Variants in SLC4A1 observed in about 807,000 individuals in gnomAD.
SLC4A1 encodes the protein band 3 anion transport protein.
A neutral mutation model predicts 93.1 loss-of-function variants in SLC4A1; 29 were observed. The observed-to-expected ratio is 0.31, with a 90% CI of 0.23 to 0.42. The LOEUF (loss-of-function observed/expected upper bound fraction) is 0.42, where lower values mean the gene tolerates loss of function less well. Ranked by LOEUF, SLC4A1 falls within the 20% of genes least tolerant of loss-of-function variation. The probability of loss-of-function intolerance (pLI) is 1.00; values close to 1 mark genes in which losing one functional copy is unlikely to be tolerated. For synonymous variants in SLC4A1, 469 were observed against 497.2 expected (o/e 0.94, Z 0.76); for missense variants, 965 against 1,190.1 (o/e 0.81, Z 2.78).
chr17:44,262,742 G>T lies in SLC4A1; in HGVS notation c.16-16C>A, dbSNP rs768569202. The stretch of plus-strand genomic sequence containing the variant: ...CATAATCATCCTGTGGGAAGTGGCC[G>T]CTGAGGCTGGGCTGTGAGGGGCTCT... On this transcript the variant is annotated splice_polypyrimidine_tract_variant and intron_variant, in intron 2 of 19. Transcript: ENST00000262418. 8 of 1,611,880 alleles carry T rather than the reference G, an allele frequency of 5.0e-6. No homozygotes were observed. In the South Asian group the frequency reaches 6.6e-5, roughly 13 times the overall value.
In SLC4A1 at chr17:44,251,266, C is replaced by A. The variant is rs567528042; in HGVS notation, c.2548G>T (p.Val850Leu). 6.2e-7 allele frequency: 1 copy of A among 1,614,222 alleles called. No homozygotes were observed. Among genetic ancestry groups the A allele is most frequent in the African/African-American group, 1.3e-5 (1 of 75,056 alleles). ...GCCAGGGAGGCCGGCGTGGACTTCA[C>A]CACCCACAGCACTGCCAGGCAGATG... ...QIICLAVLWV[V>L]KSTPASLALP... Residue 850 changes from valine (V) to leucine (L), a missense_variant, in exon 19 of 20, where the codon GTG (valine) becomes TTG (leucine). By Grantham distance (32) the Val-to-Leu change is conservative. This residue lies in a region of SLC4A1 where 770 missense variants were observed against 1,006.6 expected (regional missense o/e 0.76). Transcript: ENST00000262418.
chr17:44,258,739 AGGAACT>A lies in SLC4A1; in HGVS notation c.877-122_877-117del. 9.8e-7 allele frequency: 1 copy of A among 1,017,556 alleles called. No homozygotes were observed. The highest frequency in any genetic ancestry group is 1.5e-6 in the Non-Finnish European group (1 of 666,588). The allele number at this position is 1,017,556 out of a possible 1,614,324, so 63.0% of individuals were successfully genotyped here. The stretch of plus-strand genomic sequence containing the variant: ...CCCTCAGGCAGCAGCTCCCATTGCC[AGGAACT>A]GCTTTTCCTGCCCGCTCCCACCCCT... On this transcript the variant is annotated intron_variant, in intron 9 of 19. Transcript: ENST00000262418. This position sits in a 1 kb window ranked among gnomAD's most constrained non-coding sequence, Gnocchi z 6.1.
At chr17:44,264,447 G>A (rs1425754764) in intron 1 of SLC4A1, among the ~76,000 whole-genome samples, 1 of 152,184 alleles carries the variant, frequency 6.6e-6, no homozygotes, top group Admixed American at 6.5e-5. Flanking sequence ...GACAGAGTGA[G>A]ACTCTTTAGA....
intron 17 of SLC4A1, 77 bp downstream of exon 17, chr17:44,253,041 G>T: frequency 6.5e-7 from 1 of 1,526,854 alleles, no homozygotes; most frequent in Non-Finnish European, 9.0e-7. Flanking sequence ...TGCTGGGTCC[G>T]AACAGAAAGG....
Position 44,255,204 on chromosome 17 carries a change from C to A in SLC4A1, c.1890+3G>T. On this transcript the variant is annotated splice_donor_region_variant and intron_variant, in intron 15 of 19. Transcript: ENST00000262418. ...TGGTCTGAGGGCTGGGAGGAGGGGTCACCTGGGTGTAGGTATCCTGAATGA... is the reference window on the plus strand; with the variant it reads ...TGGTCTGAGGGCTGGGAGGAGGGGTAACCTGGGTGTAGGTATCCTGAATGA... The A allele has an allele frequency of 6.4e-7, 1 of 1,552,060 alleles. No individual in the cohort carries two copies. The highest frequency in any genetic ancestry group is 1.2e-5 in the South Asian group (1 of 84,224).
At chr17:44,251,099 C>CT in intron 19 of SLC4A1, 60 bp downstream of exon 19, 1 of 1,534,072 alleles carries the variant, frequency 6.5e-7, no homozygotes, top group South Asian at 1.2e-5. Context: ...TGCCCTAGTT[C>CT]TGAGACGCGC....
At chr17:44,261,416 C>T (rs1473075776) in intron 4 of SLC4A1, among the ~76,000 whole-genome samples, 159 bp downstream of exon 4, 3 of 152,228 alleles carry the variant, frequency 2.0e-5, no homozygotes, top group East Asian at 1.9e-4. Flanking sequence ...ATCAGTGGGG[C>T]GTCCCTCCCA....
chr17:44,257,441 A>G lies in SLC4A1; in HGVS notation c.1535T>C (p.Leu512Pro), dbSNP rs926697680. 6.2e-7 allele frequency: 1 copy of G among 1,614,150 alleles called. No individual in the cohort carries two copies. Among genetic ancestry groups the G allele is most frequent in the Non-Finnish European group, 8.5e-7 (1 of 1,180,024 alleles). ...GGTATAGCGGGAGATGAAGCGGACC[A>G]GGAAGCTACCCTCGAAGGCCACCAC... ...VLVVAFEGSF[L>P]VRFISRYTQE... Residue 512 changes from leucine to proline, a missense_variant, in exon 13 of 20, where the codon CTG (leucine) becomes CCG (proline). Leu to Pro is a moderately conservative substitution (Grantham distance 98, BLOSUM62 -3). Transcript: ENST00000262418.
chr17:44,257,717 G>C lies in SLC4A1; in HGVS notation c.1373C>G (p.Pro458Arg). 6.2e-7 allele frequency: 1 copy of C among 1,614,078 alleles called. No homozygotes were observed. The highest frequency in any genetic ancestry group is 8.5e-7 in the Non-Finnish European group (1 of 1,180,022). ...TCCTGAGAAGCCGACCACAAGCAGG[G>C]GCTGAGCCCCCAGCAGGGCGAAGAG... ...GILFALLGAQ[P>R]LLVVGFSGPL... Residue 458 changes from proline (P) to arginine (R), a missense_variant, in exon 12 of 20, where the codon CCC becomes CGC. This residue lies in a region of SLC4A1 where 770 missense variants were observed against 1,006.6 expected (regional missense o/e 0.76). Coordinates refer to ENST00000262418, the MANE Select transcript of SLC4A1 (RefSeq NM_000342.4).
In SLC4A1 at chr17:44,258,159, T is replaced by C; in HGVS notation, c.1109A>G (p.Asp370Gly). 6.2e-7 allele frequency: 1 copy of C among 1,613,602 alleles called. No homozygotes were observed. The highest frequency in any genetic ancestry group is 2.2e-5 in the East Asian group (1 of 44,860). ...KGLDLNGGPD[D>G]PLQQTGQLFG... ...GAGCTGGCCTGTCTGCTGCAGAGGG[T>C]CATCTGGGCCCCCATTTAAGTCTGT... The change falls in exon 11 of 20, where the codon GAC becomes GGC. Residue 370 changes from aspartate (D) to glycine (G), a missense_variant. By Grantham distance (94) the Asp-to-Gly change is moderately conservative (BLOSUM62 -1). Transcript: ENST00000262418. This position sits in a 1 kb window ranked among gnomAD's most constrained non-coding sequence, Gnocchi z 6.1.
chr17:44,264,344 G>T (rs991467693), intron 1 of SLC4A1, among the ~76,000 whole-genome samples: 6 of 152,180 alleles, frequency 3.9e-5, no homozygotes, highest in African/African-American at 1.4e-4. Flanking sequence ...TGTAGTCCCA[G>T]CTACTTGAGA....
intron 7 of SLC4A1, 34 bp downstream of exon 7, chr17:44,259,775 C>G (rs768509347): frequency 6.2e-7 from 1 of 1,613,038 alleles, no homozygotes; most frequent in African/African-American, 1.3e-5. Context: ...CTTGCCCCAC[C>G]CTGACCCTGA....
intron 1 of SLC4A1, among the ~76,000 whole-genome samples, chr17:44,265,117 C>T (rs1236693765): frequency 2.0e-4 from 2 of 9,856 alleles, no homozygotes; most frequent in Non-Finnish European, 3.7e-4. Context: ...GTGCTGAGCA[C>T]TGGGGGCTGG....
chr17:44,260,186 T>C (rs1374234810), intron 6 of SLC4A1, among the ~76,000 whole-genome samples: 1 of 152,172 alleles, frequency 6.6e-6, no homozygotes, highest in African/African-American at 2.4e-5. Flanking sequence ...AAAAGGGCCT[T>C]GCAGGTCTGC....
chr17:44,248,813 T>G lies in SLC4A1; in HGVS notation c.*1645A>C, dbSNP rs2047314859. ...GCTGGAACCCCACCACACACACATGTTGAGTCTGTGGCCCCCAAGGCTGAT... is the reference window on the plus strand; with the variant it reads ...GCTGGAACCCCACCACACACACATGGTGAGTCTGTGGCCCCCAAGGCTGAT... On this transcript the variant is annotated 3_prime_UTR_variant, in exon 20 of 20. Transcript: ENST00000262418. 5.0e-6 allele frequency: 1 copy of G among 198,298 alleles called. No homozygotes were observed. Among genetic ancestry groups the G allele is most frequent in the African/African-American group, 2.4e-5 (1 of 41,254 alleles). 12.3% of individuals were successfully genotyped at this position (198,298 alleles called of 1,614,324 possible).
Position 44,253,113 on chromosome 17 carries a change from C to T in SLC4A1, c.2311+5G>A. On this transcript the variant is annotated splice_donor_5th_base_variant and intron_variant, in intron 17 of 19. Coordinates refer to ENST00000262418, the MANE Select transcript of SLC4A1 (RefSeq NM_000342.4). ...TGGTGAAGACGCGACCCAGCTTTCACTCACCCACAAGCACAGCGACCAGGA... is the reference window on the plus strand; with the variant it reads ...TGGTGAAGACGCGACCCAGCTTTCATTCACCCACAAGCACAGCGACCAGGA... 6.2e-7 allele frequency: 1 copy of T among 1,610,156 alleles called. No homozygotes were observed. The highest frequency in any genetic ancestry group is 8.5e-7 in the Non-Finnish European group (1 of 1,180,002).
At position 44,257,491 on chromosome 17, in the gene SLC4A1, G is replaced by T; in HGVS notation, c.1485C>A (p.Phe495Leu). The change falls in exon 13 of 20, where the codon TTC becomes TTA. Residue 495 changes from phenylalanine (F) to leucine (L), a missense_variant. Phe to Leu is a conservative substitution (Grantham distance 22, BLOSUM62 0). Around this residue, in one of 2 missense-constraint regions of SLC4A1, gnomAD observed 770 missense variants for 1,006.6 expected, o/e 0.76. Coordinates refer to ENST00000262418, the MANE Select transcript of SLC4A1 (RefSeq NM_000342.4). Reference protein sequence around the residue: ...EYIVGRVWIGFWLILLVVLVV... With the variant: ...EYIVGRVWIGLWLILLVVLVV... The stretch of plus-strand genomic sequence containing the variant: ...CCAACACCACCAGCAGGATGAGCCA[G>T]AAGCCGATCCACACGCGGCCCACGA... The T allele has an allele frequency of 6.2e-7, 1 of 1,613,820 alleles. No homozygotes were observed. Among genetic ancestry groups the T allele is most frequent in the Non-Finnish European group, 8.5e-7 (1 of 1,179,926 alleles).
rs1446528448 is a variant in SLC4A1, at chr17:44,251,548, G to A, written c.2352C>T (p.Pro784=). Residue 784 remains proline, a synonymous_variant, in exon 18 of 20, where the codon CCC becomes CCT. Coordinates refer to ENST00000262418, the MANE Select transcript of SLC4A1 (RefSeq NM_000342.4). The part of the protein sequence containing the change: ...ILMEPILSRI[P]LAVLFGIFLY... ...GGAAGATGCCAAACAGTACAGCCAGGGGGATGCGGGACAGGATGGGCTCCA... is the reference window on the plus strand; with the variant it reads ...GGAAGATGCCAAACAGTACAGCCAGAGGGATGCGGGACAGGATGGGCTCCA... 1 of 1,614,106 alleles carries A rather than the reference G, an allele frequency of 6.2e-7. No individual in the cohort carries two copies. Among genetic ancestry groups the A allele is most frequent in the East Asian group, 2.2e-5 (1 of 44,864 alleles).
Position 44,254,555 on chromosome 17 carries a change from G to T in SLC4A1, c.1998C>A (p.Ala666=), listed in dbSNP as rs1349185908. 2 of 1,614,078 alleles carry T rather than the reference G, an allele frequency of 1.2e-6. No homozygotes were observed. The highest frequency in any genetic ancestry group is 1.7e-6 in the Non-Finnish European group (2 of 1,180,040). The change falls in exon 16 of 20, where the codon GCC becomes GCA. Residue 666 remains alanine (A), a synonymous_variant. Transcript: ENST00000262418. The part of the protein sequence containing the change: ...RSEFPIWMMF[A]SALPALLVFI... ...AGACCAGCAGAGCAGGCAGGGCGGA[G>T]GCAAACATCATCCAGATGGGAAACT...
Sources: allele counts gnomAD v4.1 joint callset (sites outside exome capture counted in the v4.1 genomes callset), GRCh38; gene constraint gnomAD v4.1.1; regional missense constraint gnomAD v4.1.1; non-coding constraint Gnocchi (gnomAD v3.1); transcripts MANE v1.5; gene names NCBI Gene and HGNC (gene_info 2026-07-23, HGNC 2026-07-21).